RGS2: variants seen among roughly 807,000 people sequenced by gnomAD.
RGS2 encodes regulator of G protein signaling 2, also known as G0 to G1 switch regulatory 8, 24kD.
In RGS2, 20 loss-of-function variants were observed where a neutral mutation model predicts 26.6. The observed-to-expected ratio is 0.75, with a 90% CI of 0.53 to 1.09. RGS2 has a LOEUF of 1.09. Ranked by LOEUF, RGS2 falls within the 50% of genes least tolerant of loss-of-function variation. The pLI, the probability that RGS2 is intolerant of heterozygous loss-of-function variation, is 0.00. For synonymous variants in RGS2, 97 were observed against 79.9 expected (o/e 1.21, Z -1.14); for missense variants, 246 against 245.5 (o/e 1.00, Z -0.01).
chr1:192,810,465 C>CA lies in RGS2; in HGVS notation c.274+35dup, dbSNP rs765692586. ...ACTCTTGAGCTTGAGCCATTGCTAACATCGCAAAAGCCTGGAAAGGCTGCG... is the reference window on the plus strand; with the variant it reads ...ACTCTTGAGCTTGAGCCATTGCTAACAATCGCAAAAGCCTGGAAAGGCTGCG... On this transcript the variant is annotated intron_variant, in intron 3 of 4. Transcript: ENST00000235382. The CA allele has an allele frequency of 4.5e-5, 72 of 1,602,794 alleles. No individual in the cohort carries two copies. In the African/African-American group the frequency reaches 7.9e-4, roughly 18 times the overall value.
At chr1:192,811,242 A>G in intron 4 of RGS2, 95 bp downstream of exon 4, 1 of 1,446,028 alleles carries the variant, frequency 6.9e-7, no homozygotes, top group African/African-American at 1.4e-5. Flanking sequence ...TAGGAGGGGT[A>G]AAAAGTCCCT....
At chr1:192,809,388 AG>A in intron 1 of RGS2, 1 of 583,636 alleles carries the variant, frequency 1.7e-6, no homozygotes, top group South Asian at 1.8e-5. Context: ...AGTTGATATG[AG>A]GGCGGTGGTT....
Position 192,809,116 on chromosome 1 carries a change from C to T in RGS2, c.45C>T (p.Pro15=), listed in dbSNP as rs745440695. 6.8e-6 allele frequency: 11 copies of T among 1,614,090 alleles called. No individual in the cohort carries two copies. In the Middle Eastern group the frequency reaches 5.0e-4, roughly 73 times the overall value. The change falls in exon 1 of 5, where the codon CCC becomes CCT. Residue 15 remains proline, a synonymous_variant. Transcript: ENST00000235382. The part of the protein sequence containing the change: ...MFLAVQHDCR[P]MDKSAGSGHK... ...TGGCTGTTCAACACGACTGCAGACC[C>T]ATGGACAAGAGCGCAGGCAGTGGCC...
At chr1:192,809,455 C>T (rs1233616413) in intron 1 of RGS2, 2 of 469,548 alleles carry the variant, frequency 4.3e-6, no homozygotes, top group Admixed American at 6.6e-5. Flanking sequence ...AAAATGACAT[C>T]AGAATCCTGC....
intron 1 of RGS2, chr1:192,809,405 G>T (rs1571644220): frequency 1.8e-6 from 1 of 551,104 alleles, no homozygotes; most frequent in East Asian, 3.3e-5. Flanking sequence ...TGGTTGATGC[G>T]CTAAGAAATT....
Position 192,810,424 on chromosome 1 carries a change from C to T in RGS2, c.267C>T (p.Ala89=). The T allele has an allele frequency of 1.2e-6, 2 of 1,614,022 alleles. No individual in the cohort carries two copies. The highest frequency in any genetic ancestry group is 1.7e-6 in the Non-Finnish European group (2 of 1,179,932). ...CAGAAGCATTTGACGAGCTGCTAGC[C>T]AGCAAATGTAAGTTAACTCTTGAGC... The part of the protein sequence containing the change: ...LWSEAFDELL[A]SKYGLAAFRA... Residue 89 remains alanine (A), a synonymous_variant, in exon 3 of 5, where the codon GCC becomes GCT. Coordinates refer to ENST00000235382, the MANE Select transcript of RGS2 (RefSeq NM_002923.4).
In RGS2 at chr1:192,811,596, A is replaced by G. The variant is rs1028255913; in HGVS notation, c.636A>G (p.Ter212TrpextTer27). ...PQITTEPHAT[*>W] is the part of the protein sequence containing the mutation. ...TCACCACAGAGCCTCATGCTACATG[A>G]AATGTAAAAGGGAGCCCAGAAATGG... Residue 212 changes from the stop codon to tryptophan (W), a stop_lost, in exon 5 of 5, where the codon TGA becomes TGG. Coordinates refer to ENST00000235382, the MANE Select transcript of RGS2 (RefSeq NM_002923.4). 32 of 1,613,710 alleles carry G rather than the reference A, an allele frequency of 2.0e-5. No homozygotes were observed. Among genetic ancestry groups the G allele is most frequent in the Non-Finnish European group, 2.5e-5 (29 of 1,179,704 alleles).
At position 192,809,051 on chromosome 1, in the gene RGS2, G is replaced by C. The variant is rs747921480; in HGVS notation, c.-21G>C. ...CGCACGCCCAGCCGCAAACAGCCGG[G>C]GCTCCAGCGGGAGAACGATAATGCA... is the stretch of plus-strand genomic sequence containing the variant. On this transcript the variant is annotated 5_prime_UTR_variant, in exon 1 of 5. Coordinates refer to ENST00000235382, the MANE Select transcript of RGS2 (RefSeq NM_002923.4). 6.4e-7 allele frequency: 1 copy of C among 1,574,728 alleles called. No individual in the cohort carries two copies. Among genetic ancestry groups the C allele is most frequent in the Non-Finnish European group, 8.7e-7 (1 of 1,144,026 alleles).
Position 192,811,681 on chromosome 1 carries a change from T to C in RGS2, c.*85T>C. The C allele has an allele frequency of 7.7e-7, 1 of 1,299,508 alleles. No individual in the cohort carries two copies. The highest frequency in any genetic ancestry group is 1.2e-5 in the South Asian group (1 of 84,264). 80.5% of individuals were successfully genotyped at this position (1,299,508 alleles called of 1,614,324 possible). On this transcript the variant is annotated 3_prime_UTR_variant, in exon 5 of 5. Transcript: ENST00000235382. ...TGTGACCTGCCATAAAGACTGACCTTGAATTCAGCCTGGGTGTTCAGGAAA... is the reference window on the plus strand; with the variant it reads ...TGTGACCTGCCATAAAGACTGACCTCGAATTCAGCCTGGGTGTTCAGGAAA...
In RGS2 at chr1:192,811,651, A is replaced by G; in HGVS notation, c.*55A>G. ...CATTTCATTCTTTTTCCTGAGGGGA[A>G]GGACTGTGACCTGCCATAAAGACTG... On this transcript the variant is annotated 3_prime_UTR_variant, in exon 5 of 5. Coordinates refer to ENST00000235382, the MANE Select transcript of RGS2 (RefSeq NM_002923.4). The G allele has an allele frequency of 6.5e-7, 1 of 1,530,956 alleles. No individual in the cohort carries two copies. The highest frequency in any genetic ancestry group is 9.1e-7 in the Non-Finnish European group (1 of 1,104,648). 94.8% of individuals were successfully genotyped at this position (1,530,956 alleles called of 1,614,324 possible). A position where few individuals can be genotyped will look rare whatever the true frequency, so the allele number is the denominator to read the frequency against.
Position 192,810,385 on chromosome 1 carries a change from A to G in RGS2, c.228A>G (p.Glu76=). The change falls in exon 3 of 5, where the codon GAA becomes GAG. Residue 76 remains glutamate (E), a synonymous_variant. Transcript: ENST00000235382. The part of the protein sequence containing the change: ...QQAFIKPSPE[E]AQLWSEAFDE... ...TCTCTTGCAGGCCTTCTCCTGAGGAAGCACAGCTGTGGTCAGAAGCATTTG... is the reference window on the plus strand; with the variant it reads ...TCTCTTGCAGGCCTTCTCCTGAGGAGGCACAGCTGTGGTCAGAAGCATTTG... 1 of 1,614,164 alleles carries G rather than the reference A, an allele frequency of 6.2e-7. No homozygotes were observed. Among genetic ancestry groups the G allele is most frequent in the Non-Finnish European group, 8.5e-7 (1 of 1,179,964 alleles).
At position 192,809,201 on chromosome 1, in the gene RGS2, C is replaced by G; in HGVS notation, c.110+20C>G. 1 of 1,534,126 alleles carries G rather than the reference C, an allele frequency of 6.5e-7. No homozygotes were observed. The highest frequency in any genetic ancestry group is 1.1e-5 in the South Asian group (1 of 89,468). ...GACCCTGTGAGTATGGCTTTCTTCC[C>G]TCTCCCGCCACCCCCTGCCCCACAC... On this transcript the variant is annotated intron_variant, in intron 1 of 4. Coordinates refer to ENST00000235382, the MANE Select transcript of RGS2 (RefSeq NM_002923.4).
chr1:192,809,247 C>T, intron 1 of RGS2, 66 bp downstream of exon 1: 4 of 1,171,206 alleles, frequency 3.4e-6, no homozygotes, highest in South Asian at 1.2e-5. Context: ...AAACGCGGTA[C>T]TTTCGGGCTC....
chr1:192,810,812 A>T, intron 3 of RGS2, 169 bp from the exon 4 acceptor site: 1 of 732,782 alleles, frequency 1.4e-6, no homozygotes, highest in Non-Finnish European at 2.4e-6. Context: ...CCTTTTGCCT[A>T]CTGGTATCTT....
At chr1:192,810,091 T>TA (rs1192350715) in intron 1 of RGS2, 75 bp from the exon 2 acceptor site, 3 of 940,042 alleles carry the variant, frequency 3.2e-6, no homozygotes, top group South Asian at 1.3e-5. Flanking sequence ...CTTTATTTGG[T>TA]AAAAATGCGT....
At position 192,811,446 on chromosome 1, in the gene RGS2, A is replaced by T; in HGVS notation, c.486A>T (p.Ile162=). Residue 162 remains isoleucine (I), a synonymous_variant, in exon 5 of 5, where the codon ATA becomes ATT. Transcript: ENST00000235382. ...CCAAAACTCTGATTGCCCAGAATAT[A>T]CAAGAAGCTACAAGTGGCTGCTTTA... ...FQTKTLIAQN[I]QEATSGCFTT... The T allele has an allele frequency of 6.2e-7, 1 of 1,614,124 alleles. No individual in the cohort carries two copies. The highest frequency in any genetic ancestry group is 1.1e-5 in the South Asian group (1 of 91,068).
chr1:192,810,492 C>T (rs1221675213), intron 3 of RGS2, 61 bp downstream of exon 3: 1 of 1,483,282 alleles, frequency 6.7e-7, no homozygotes, highest in Non-Finnish European at 9.4e-7. Flanking sequence ...AAGGCTGCGT[C>T]CACCTAACAA....
chr1:192,811,245 A>T, intron 4 of RGS2, 98 bp downstream of exon 4: 1 of 1,429,306 alleles, frequency 7.0e-7, no homozygotes, highest in Non-Finnish European at 9.8e-7. Flanking sequence ...GAGGGGTAAA[A>T]AGTCCCTCCA....
rs757964706 is a variant in RGS2, at chr1:192,810,358, C to T, written c.213-12C>T. The T allele has an allele frequency of 5.6e-6, 9 of 1,613,948 alleles. 1 individual carries two copies. The South Asian group carries it at 9.9e-5, about 18-fold the overall frequency. ...GATGTGCGTAAGCTAACATACAGAA[C>T]CTCTCTTGCAGGCCTTCTCCTGAGG... On this transcript the variant is annotated splice_polypyrimidine_tract_variant and intron_variant, in intron 2 of 4. Transcript: ENST00000235382.
Sources: gnomAD v4.1 joint callset for allele counts on GRCh38, gnomAD v4.1.1 for gene constraint, MANE v1.5 for transcripts, NCBI Gene and HGNC (gene_info 2026-07-23, HGNC 2026-07-21) for gene names.